Variants in ZNF407 observed in about 807,000 individuals in gnomAD.
ZNF407 encodes zinc finger protein 407.
A neutral mutation model predicts 131.2 loss-of-function variants in ZNF407; 17 were observed. The ratio of observed to expected loss-of-function variants is 0.13; its 90% CI spans 0.09 to 0.19. The LOEUF is 0.19. ZNF407 is among the 10% of genes least tolerant of loss of function. The probability of loss-of-function intolerance (pLI) is 1.00; values close to 1 mark genes in which losing one functional copy is unlikely to be tolerated. For synonymous variants in ZNF407, 1,156 were observed against 1,062.0 expected, an observed-to-expected ratio of 1.09 and a Z score of -1.72; for missense variants, 2,681 against 2,830.6, an observed-to-expected ratio of 0.95 and a Z score of 1.20.
At chr18:74,602,920 A>G (rs755673742) in intron 1 of ZNF407, among the ~76,000 whole-genome samples, 52 of 148,562 alleles carry the variant, frequency 3.5e-4, no homozygotes, top group Non-Finnish European at 7.4e-4. Flanking sequence ...AGTTGGGGGC[A>G]GGGAAAATGC....
intron 4 of ZNF407, among the ~76,000 whole-genome samples, chr18:74,862,321 C>T (rs1241552876): frequency 2.6e-5 from 4 of 152,178 alleles, no homozygotes; most frequent in Non-Finnish European, 5.9e-5. Context: ...TCGAGTGTGG[C>T]ACACACAGTT....
At chr18:74,816,431 C>A (rs1212575925) in intron 4 of ZNF407, among the ~76,000 whole-genome samples, 2 of 152,150 alleles carry the variant, frequency 1.3e-5, no homozygotes, top group African/African-American at 4.8e-5. Flanking sequence ...TATTTGTAGT[C>A]CATTTTGTCA....
At chr18:74,911,409 C>G (rs1971668393) in intron 7 of ZNF407, among the ~76,000 whole-genome samples, 1 of 152,152 alleles carries the variant, frequency 6.6e-6, no homozygotes, top group South Asian at 2.1e-4. Flanking sequence ...TGTATAGATT[C>G]CTTTAGCAGC....
At chr18:74,897,988 A>T (rs754800576) in intron 7 of ZNF407, 8 of 152,248 alleles carry the variant, frequency 5.3e-5, no homozygotes, top group Non-Finnish European at 1.2e-4. Context: ...GAGTGCTAAG[A>T]TACTAGTTAT....
chr18:74,663,624 A>G (rs1049439173), intron 3 of ZNF407, among the ~76,000 whole-genome samples: 35 of 152,222 alleles, frequency 2.3e-4, no homozygotes, highest in Non-Finnish European at 4.9e-4. Context: ...TCAGGAGTTT[A>G]AAGGCCTGCT....
chr18:74,623,219 C>G (rs1183763129), intron 1 of ZNF407, among the ~76,000 whole-genome samples: 1 of 148,316 alleles, frequency 6.7e-6, no homozygotes, highest in East Asian at 2.0e-4. Context: ...TATGTGACTG[C>G]GTGTGTGAGT....
chr18:74,847,764 C>T (rs969815905), intron 4 of ZNF407, among the ~76,000 whole-genome samples: 2 of 151,496 alleles, frequency 1.3e-5, no homozygotes, highest in Non-Finnish European at 2.9e-5. Flanking sequence ...AGTATCTTCC[C>T]AATCTGATAT....
chr18:74,949,381 A>G (rs1416689046), intron 8 of ZNF407, among the ~76,000 whole-genome samples: 1 of 152,192 alleles, frequency 6.6e-6, no homozygotes, highest in Non-Finnish European at 1.5e-5. Context: ...CTTTATATTA[A>G]TAGATGAGCT....
chr18:75,004,846 G>A (rs1211605386), intron 8 of ZNF407, among the ~76,000 whole-genome samples: 3 of 152,084 alleles, frequency 2.0e-5, no homozygotes, highest in Non-Finnish European at 4.4e-5. Context: ...ACCCCTCACC[G>A]GGGTGGTAAA....
At chr18:74,894,788 G>A (rs1412175620) in intron 7 of ZNF407, among the ~76,000 whole-genome samples, 1 of 152,082 alleles carries the variant, frequency 6.6e-6, no homozygotes, top group Non-Finnish European at 1.5e-5. Flanking sequence ...GTAAATTGCA[G>A]AAAACTGAAA....
intron 4 of ZNF407, among the ~76,000 whole-genome samples, chr18:74,796,260 A>G (rs1034834857): frequency 2.6e-5 from 4 of 152,154 alleles, no homozygotes; most frequent in Non-Finnish European, 5.9e-5. Context: ...AGAAGTCTAG[A>G]TATATTTTTG....
At chr18:74,763,479 G>A (rs1969148012) in intron 3 of ZNF407, among the ~76,000 whole-genome samples, 1 of 151,012 alleles carries the variant, frequency 6.6e-6, no homozygotes, top group African/African-American at 2.4e-5. Context: ...TGCTTTTTGT[G>A]TAATATCCCA....
At chr18:75,060,438 A>G (rs570390125) in intron 8 of ZNF407, 1 of 151,704 alleles carries the variant, frequency 6.6e-6, no homozygotes, top group African/African-American at 2.4e-5. Flanking sequence ...GCGAGTACAC[A>G]GGAGTATCTC....
intron 3 of ZNF407, among the ~76,000 whole-genome samples, chr18:74,709,242 GTTAAAACCACTCAT>G (rs1967699789): frequency 6.6e-6 from 1 of 152,158 alleles, no homozygotes; most frequent in Non-Finnish European, 1.5e-5. Flanking sequence ...ATTAAGCCAT[GTTAAAACCACTCAT>G]GCATATATCT....
intron 4 of ZNF407, among the ~76,000 whole-genome samples, chr18:74,820,092 T>G (rs1489763336): frequency 6.6e-6 from 1 of 152,174 alleles, no homozygotes; most frequent in Non-Finnish European, 1.5e-5. Context: ...GGCTTAACTT[T>G]GGGAAGAGTT....
At chr18:74,684,946 GA>G (rs932478872) in intron 3 of ZNF407, among the ~76,000 whole-genome samples, 2 of 151,550 alleles carry the variant, frequency 1.3e-5, no homozygotes, top group African/African-American at 2.4e-5. Flanking sequence ...TTGGAATGCT[GA>G]AAAAAAACCT....
chr18:74,821,187 G>A (rs1745616030), intron 4 of ZNF407, among the ~76,000 whole-genome samples: 1 of 151,774 alleles, frequency 6.6e-6, no homozygotes, highest in Admixed American at 6.6e-5. Context: ...AAAAACCGCA[G>A]TTACTTTTGC....
intron 3 of ZNF407, among the ~76,000 whole-genome samples, chr18:74,670,426 G>A (rs1256186319): frequency 2.0e-5 from 3 of 152,086 alleles, no homozygotes; most frequent in Non-Finnish European, 4.4e-5. Context: ...GGATAGGCTT[G>A]GGATGAATCT....
intron 3 of ZNF407, among the ~76,000 whole-genome samples, chr18:74,769,144 AT>A (rs1969308895): frequency 1.3e-5 from 2 of 152,128 alleles, no homozygotes; most frequent in African/African-American, 4.8e-5. Flanking sequence ...TAATGTCCTT[AT>A]CCAGTCATAG....
Sources: gnomAD v4.1 joint callset for allele counts (sites outside exome capture counted in the v4.1 genomes callset) on GRCh38, gnomAD v4.1.1 for gene constraint, MANE v1.5 for transcripts, NCBI Gene and HGNC (gene_info 2026-07-23, HGNC 2026-07-21) for gene names.